SLIT1: variants seen among roughly 807,000 people sequenced by gnomAD.
SLIT1 encodes slit guidance ligand 1, also known as slit homolog 1 protein.
In SLIT1, 66 loss-of-function variants were observed where a neutral mutation model predicts 186.1. The ratio of observed to expected loss-of-function variants is 0.35; its 90% CI spans 0.29 to 0.44. The LOEUF (loss-of-function observed/expected upper bound fraction) is 0.44. SLIT1 is among the 20% of genes least tolerant of loss of function. The pLI is 1.00. For missense variants in SLIT1, 1,638 were observed against 2,037.4 expected (o/e 0.80, Z 3.77); for synonymous variants, 761 against 833.8 (o/e 0.91, Z 1.50).
chr10:97,082,685 C>A (rs558982096), intron 4 of SLIT1, among the ~76,000 whole-genome samples: 5 of 152,134 alleles, frequency 3.3e-5, no homozygotes, highest in African/African-American at 1.2e-4. Flanking sequence ...CTGCCCTCCT[C>A]GGCCTCCCAA....
intron 18 of SLIT1, among the ~76,000 whole-genome samples, chr10:97,044,980 A>G (rs1216114173): frequency 6.6e-6 from 1 of 152,206 alleles, no homozygotes. Context: ...GCCCTTATCA[A>G]GGAGATCCCA....
At chr10:97,158,645 G>C (rs979200985) in intron 3 of SLIT1, among the ~76,000 whole-genome samples, 19 of 133,094 alleles carry the variant, frequency 1.4e-4, no homozygotes, top group Non-Finnish European at 2.8e-4. Context: ...CTGGGCGACA[G>C]AGCGAAACTC....
At chr10:97,151,593 G>A (rs73324817) in intron 4 of SLIT1, among the ~76,000 whole-genome samples, 9,568 of 151,928 alleles carry the variant, frequency 0.063, 697 homozygotes, top group African/African-American at 0.18. Flanking sequence ...GATGGGTGGA[G>A]GGGGTGGATG....
intron 30 of SLIT1, among the ~76,000 whole-genome samples, chr10:97,013,013 A>G (rs1311107335): frequency 6.6e-6 from 1 of 152,278 alleles, no homozygotes; most frequent in Non-Finnish European, 1.5e-5. Flanking sequence ...ACATATGCCA[A>G]TAACAACCAT....
chr10:97,001,523 A>G (rs1172866005), intron 36 of SLIT1, among the ~76,000 whole-genome samples, 173 bp from the exon 37 acceptor site: 1 of 152,080 alleles, frequency 6.6e-6, no homozygotes, highest in Non-Finnish European at 1.5e-5. Context: ...TGACATGCAC[A>G]AGCTTCCTCC....
In SLIT1 at chr10:97,011,003, C is replaced by T. The variant is rs1179794420; in HGVS notation, c.3331G>A (p.Glu1111Lys). ...EVNSYSCLCA[E>K]GYSGQLCEIP... ...CCAGGGGCTGCTCACCTGTAGCCCTCAGCACAGAGGCAGGAGTAGCTGTTG... is the reference window on the plus strand; with the variant it reads ...CCAGGGGCTGCTCACCTGTAGCCCTTAGCACAGAGGCAGGAGTAGCTGTTG... Residue 1111 changes from glutamate (E) to lysine (K), a missense_variant, in exon 31 of 37, where the codon GAG becomes AAG. Transcript: ENST00000266058. 7 of 1,614,070 alleles carry T rather than the reference C, an allele frequency of 4.3e-6. No individual in the cohort carries two copies. Among genetic ancestry groups the T allele is most frequent in the South Asian group, 2.2e-5 (2 of 91,080 alleles).
rs1392681464 is a variant in SLIT1 at position 97,060,781 on chromosome 10, C to T, written c.800G>A (p.Gly267Glu). The T allele has an allele frequency of 6.3e-7, 1 of 1,598,282 alleles. No homozygotes were observed. Among genetic ancestry groups the T allele is most frequent in the African/African-American group, 1.3e-5 (1 of 74,940 alleles). The change falls in exon 9 of 37, where the codon GGA (glycine) becomes GAA (glutamate). Residue 267 changes from glycine (G) to glutamate (E), a missense_variant. Coordinates refer to ENST00000266058, the MANE Select transcript of SLIT1 (RefSeq NM_003061.3). ...QKSEFSCSGQ[G>E]EAGRVPTCTL... is the part of the protein sequence containing the mutation. Reference sequence around the variant, plus strand: ...GCAGGTGGGCACGCGCCCCGCTTCTCCCTGGCCTGCAGAAACAGGGGGGTG... The same window carrying T: ...GCAGGTGGGCACGCGCCCCGCTTCTTCCTGGCCTGCAGAAACAGGGGGGTG...
At chr10:97,083,653 G>C (rs994832608) in intron 4 of SLIT1, among the ~76,000 whole-genome samples, 1 of 152,186 alleles carries the variant, frequency 6.6e-6, no homozygotes, top group East Asian at 1.9e-4. Flanking sequence ...CCGTGCTGCA[G>C]AGAGTGTGGA....
chr10:97,151,599 G>T (rs571361518), intron 4 of SLIT1, among the ~76,000 whole-genome samples: 7 of 152,052 alleles, frequency 4.6e-5, no homozygotes, highest in African/African-American at 1.7e-4. Context: ...TGGAGGGGGT[G>T]GATGGGTGAG....
At chr10:97,114,587 A>T (rs1466648095) in intron 4 of SLIT1, among the ~76,000 whole-genome samples, 1 of 152,124 alleles carries the variant, frequency 6.6e-6, no homozygotes, top group African/African-American at 2.4e-5. Flanking sequence ...TGAGCCCAAG[A>T]GGTTGAGGCT....
At chr10:97,019,258 C>G in intron 26 of SLIT1, 151 bp from the exon 27 acceptor site, 1 of 608,550 alleles carries the variant, frequency 1.6e-6, no homozygotes, top group Non-Finnish European at 3.0e-6. Context: ...CTTGCACTGC[C>G]CACCTTTCCA....
intron 4 of SLIT1, among the ~76,000 whole-genome samples, chr10:97,108,171 T>C (rs756732448): frequency 6.6e-6 from 1 of 152,128 alleles, no homozygotes; most frequent in Non-Finnish European, 1.5e-5. Flanking sequence ...TGGGGTGGCA[T>C]CAGCACCCTG....
intron 5 of SLIT1, among the ~76,000 whole-genome samples, chr10:97,065,137 TACACACAC>T (rs55991572): frequency 0.044 from 6,593 of 150,802 alleles, 171 homozygotes; most frequent in South Asian, 0.1. Context: ...GGCACCCCCC[TACACACAC>T]ACACACACAC....
At chr10:97,030,553 C>T (rs539272671) in intron 25 of SLIT1, among the ~76,000 whole-genome samples, 11 of 152,212 alleles carry the variant, frequency 7.2e-5, no homozygotes, top group East Asian at 3.8e-4. Context: ...CTACCGCTTG[C>T]GAGGAACTGT....
chr10:97,114,577 T>C (rs1193190792), intron 4 of SLIT1, among the ~76,000 whole-genome samples: 1 of 152,066 alleles, frequency 6.6e-6, no homozygotes, highest in Non-Finnish European at 1.5e-5. Flanking sequence ...GAGGATCAGT[T>C]GAGCCCAAGA....
Position 97,019,024 on chromosome 10 carries a change from G to C in SLIT1, c.2830C>G (p.Pro944Ala), listed in dbSNP as rs937418117. ...CAGGCGCACCTGTACACCTCAAGGGGGTCGTTGTGGCAGGTGCCCTGGTTC... is the reference window on the plus strand; with the variant it reads ...CAGGCGCACCTGTACACCTCAAGGGCGTCGTTGTGGCAGGTGCCCTGGTTC... Reference protein sequence around the residue: ...CQNQGTCHNDPLEVYRCACPS... With the variant: ...CQNQGTCHNDALEVYRCACPS... Residue 944 changes from proline to alanine, a missense_variant, in exon 27 of 37, where the codon CCC becomes GCC. By Grantham distance (27) the Pro-to-Ala change is conservative. This residue lies in a region of SLIT1 where 1,245 missense variants were observed against 1,535.3 expected (regional missense o/e 0.81). Transcript: ENST00000266058. 1 of 1,613,894 alleles carries C rather than the reference G, an allele frequency of 6.2e-7. No individual in the cohort carries two copies. The highest frequency in any genetic ancestry group is 8.5e-7 in the Non-Finnish European group (1 of 1,179,836).
At chr10:97,044,320 C>T (rs899815270) in intron 18 of SLIT1, among the ~76,000 whole-genome samples, 2 of 152,106 alleles carry the variant, frequency 1.3e-5, no homozygotes, top group Non-Finnish European at 2.9e-5. Context: ...CTCTTGAGCC[C>T]AGGAGTTCAA....
chr10:97,082,972 G>A (rs1437168584), intron 4 of SLIT1, among the ~76,000 whole-genome samples: 1 of 152,196 alleles, frequency 6.6e-6, no homozygotes, highest in Admixed American at 6.5e-5. Context: ...GAGTCCAGTG[G>A]CATAATTGTA....
chr10:97,048,826 G>A (rs2134627261), intron 14 of SLIT1, 129 bp downstream of exon 14: 1 of 844,830 alleles, frequency 1.2e-6, no homozygotes, highest in Non-Finnish European at 1.9e-6. Flanking sequence ...TGGACAGGTA[G>A]GCAGGCAGGC....
Sources: allele counts gnomAD v4.1 joint callset (sites outside exome capture counted in the v4.1 genomes callset), GRCh38; gene constraint gnomAD v4.1.1; regional missense constraint gnomAD v4.1.1; transcripts MANE v1.5; gene names NCBI Gene and HGNC (gene_info 2026-07-23, HGNC 2026-07-21).